Variants in RBMS3 observed in about 807,000 individuals in gnomAD.
The protein encoded by RBMS3 is RNA binding motif single stranded interacting protein 3, also known as RNA-binding motif, single-stranded-interacting protein 3.
Under a neutral mutation model 66.8 loss-of-function variants are expected in RBMS3, and 27 were observed. The observed-to-expected ratio is 0.40, with a 90% CI of 0.30 to 0.56. RBMS3 has a LOEUF of 0.56. Among genes scored for constraint, RBMS3 ranks in the 20% least tolerant of loss-of-function variants. The pLI is 0.40. For synonymous variants in RBMS3, 188 were observed against 183.0 expected (o/e 1.03, Z -0.22); for missense variants, 513 against 549.5 (o/e 0.93, Z 0.66).
chr3:29,302,366 C>A (rs79240164), intron 1 of RBMS3, among the ~76,000 whole-genome samples: 1 of 151,808 alleles, frequency 6.6e-6, no homozygotes, highest in Non-Finnish European at 1.5e-5. Flanking sequence ...ACAAAATAGC[C>A]ATTTACCTAG....
rs2059837000 is a variant in RBMS3, at chr3:29,885,061, A to T, written c.791+853A>T. The stretch of plus-strand genomic sequence containing the variant: ...AATCTGTGGGATATTGAAAGTATTT[A>T]AATAATTACCTCTTATTCTTATATT... On this transcript the variant is annotated intron_variant, in intron 8 of 14. Transcript: ENST00000383767. Among the ~76,000 whole-genome samples, 4 of 152,080 alleles carry T rather than the reference A, an allele frequency of 2.6e-5. No individual in the cohort carries two copies. The South Asian group carries it at 8.3e-4, about 31-fold the overall frequency.
At chr3:29,930,609 CT>C (rs2061094198) in intron 10 of RBMS3, among the ~76,000 whole-genome samples, 1 of 152,012 alleles carries the variant, frequency 6.6e-6, no homozygotes, top group Non-Finnish European at 1.5e-5. Flanking sequence ...CCACTACCCC[CT>C]AGGTGCTAAT....
At chr3:29,997,816 T>C (rs948763532) in intron 14 of RBMS3, among the ~76,000 whole-genome samples, 7 of 152,158 alleles carry the variant, frequency 4.6e-5, no homozygotes, top group Non-Finnish European at 7.4e-5. Flanking sequence ...AATATCATAC[T>C]GAATGGGCAA....
intron 3 of RBMS3, among the ~76,000 whole-genome samples, chr3:29,534,928 C>G (rs2045496396): frequency 6.6e-6 from 1 of 151,410 alleles, no homozygotes; most frequent in Non-Finnish European, 1.5e-5. Context: ...GAAAATAAAG[C>G]CCAACACAAA....
intron 6 of RBMS3, among the ~76,000 whole-genome samples, chr3:29,777,479 G>GTGAA (rs34402234): frequency 0.021 from 3,265 of 151,974 alleles, 49 homozygotes; most frequent in Non-Finnish European, 0.032. Flanking sequence ...TGCTTATAAA[G>GTGAA]TGAATGCAGA....
chr3:29,572,828 G>A (rs949454106), intron 3 of RBMS3, among the ~76,000 whole-genome samples: 2 of 152,112 alleles, frequency 1.3e-5, no homozygotes, highest in African/African-American at 4.8e-5. Flanking sequence ...TTTCAGAATT[G>A]TTTGAGGATT....
chr3:29,771,362 T>G (rs2056190779), intron 6 of RBMS3, among the ~76,000 whole-genome samples: 1 of 152,016 alleles, frequency 6.6e-6, no homozygotes, highest in Non-Finnish European at 1.5e-5. Flanking sequence ...AAACAAGGAC[T>G]GCACCTTACT....
intron 1 of RBMS3, among the ~76,000 whole-genome samples, chr3:29,305,529 C>T (rs894142850): frequency 2.6e-5 from 4 of 151,900 alleles, no homozygotes; most frequent in African/African-American, 9.7e-5. Flanking sequence ...AATTGTATGC[C>T]AGGGTAGTAA....
chr3:29,521,848 A>G (rs922079832), intron 3 of RBMS3, among the ~76,000 whole-genome samples: 12 of 152,222 alleles, frequency 7.9e-5, no homozygotes, highest in African/African-American at 2.7e-4. Context: ...AACTCTGGAA[A>G]TTTTTAACAA....
At chr3:29,359,996 A>G (rs999362099) in intron 1 of RBMS3, among the ~76,000 whole-genome samples, 3 of 152,098 alleles carry the variant, frequency 2.0e-5, no homozygotes, top group African/African-American at 7.2e-5. Flanking sequence ...TCAAAAAACC[A>G]GCTCCTGGAT....
intron 10 of RBMS3, among the ~76,000 whole-genome samples, chr3:29,902,397 T>C (rs1203762928): frequency 6.6e-6 from 1 of 151,850 alleles, no homozygotes; most frequent in Non-Finnish European, 1.5e-5. Flanking sequence ...GTAAGCAACT[T>C]TGTTGAGAAT....
At chr3:29,784,205 A>G (rs1280850422) in intron 6 of RBMS3, among the ~76,000 whole-genome samples, 1 of 152,134 alleles carries the variant, frequency 6.6e-6, no homozygotes, top group Admixed American at 6.5e-5. Flanking sequence ...GATTTAACAG[A>G]TATTTTCAGA....
chr3:29,507,824 A>G (rs1306945163), intron 3 of RBMS3, among the ~76,000 whole-genome samples: 5 of 152,158 alleles, frequency 3.3e-5, no homozygotes, highest in African/African-American at 9.6e-5. Context: ...GGAATTGTAT[A>G]GAAGTGATTA....
intron 4 of RBMS3, among the ~76,000 whole-genome samples, chr3:29,618,321 C>A (rs546839563): frequency 1.7e-4 from 26 of 152,216 alleles, no homozygotes; most frequent in African/African-American, 6.3e-4. Flanking sequence ...ATGGTGAAAC[C>A]TCATCTCTAC....
intron 4 of RBMS3, among the ~76,000 whole-genome samples, chr3:29,678,426 G>A (rs985580585): frequency 6.6e-6 from 1 of 152,086 alleles, no homozygotes; most frequent in South Asian, 2.1e-4. Flanking sequence ...GAGGAGAAAA[G>A]TCTGAAAGAA....
At chr3:29,282,641 G>A (rs971625626) in intron 1 of RBMS3, among the ~76,000 whole-genome samples, 15 of 152,056 alleles carry the variant, frequency 9.9e-5, no homozygotes, top group African/African-American at 3.1e-4. Flanking sequence ...ACTTGATTAG[G>A]GGGAAAACAT....
rs112821867 is a variant in RBMS3, at chr3:29,472,225, C to T, written c.249-16216C>T. 9.0e-3 allele frequency among the ~76,000 whole-genome samples: 1,331 copies of T among 147,404 alleles called. 12 individuals carry two copies. Among genetic ancestry groups the T allele is most frequent in the East Asian group, 0.02 (100 of 5,010 alleles). ...TTTTTTTTTTTTTGAAATGGGGTCTCGCTCTGTCGACCAGGCTGCTGGAGT... is the reference window on the plus strand; with the variant it reads ...TTTTTTTTTTTTTGAAATGGGGTCTTGCTCTGTCGACCAGGCTGCTGGAGT... On this transcript the variant is annotated intron_variant, in intron 2 of 14. Transcript: ENST00000383767.
chr3:29,939,350 C>A (rs2061338550), intron 11 of RBMS3, among the ~76,000 whole-genome samples: 1 of 151,912 alleles, frequency 6.6e-6, no homozygotes, highest in Non-Finnish European at 1.5e-5. Flanking sequence ...ATTTTCCATG[C>A]AATAATAATA....
chr3:29,827,400 C>A (rs1172402222), intron 6 of RBMS3, among the ~76,000 whole-genome samples: 1 of 152,194 alleles, frequency 6.6e-6, no homozygotes, highest in Non-Finnish European at 1.5e-5. Flanking sequence ...CAATCGCTTT[C>A]TTGTGAAAAT....
Sources: gnomAD v4.1 joint callset for allele counts (sites outside exome capture counted in the v4.1 genomes callset) on GRCh38, gnomAD v4.1.1 for gene constraint, MANE v1.5 for transcripts, NCBI Gene and HGNC (gene_info 2026-07-23, HGNC 2026-07-21) for gene names.